The following INTU variants were observed in gnomAD, a reference collection of about 807,000 sequenced individuals.
INTU encodes inturned planar cell polarity protein, also known as protein inturned.
INTU carries 68 observed loss-of-function variants against 100.5 expected under a neutral mutation model. The ratio of observed to expected loss-of-function variants is 0.68; its 90% CI spans 0.56 to 0.83. The LOEUF (loss-of-function observed/expected upper bound fraction) is 0.83. Ranked by LOEUF, INTU falls within the 40% of genes least tolerant of loss-of-function variation. The pLI, the probability that INTU is intolerant of heterozygous loss-of-function variation, is 0.00. For missense variants in INTU, 1,071 were observed against 1,114.7 expected (o/e 0.96, Z 0.56); for synonymous variants, 357 against 395.7 (o/e 0.90, Z 1.16).
rs771896226 is a variant in INTU, at chr4:127,656,618, T to C, written c.683-18T>C. 9.5e-6 allele frequency: 15 copies of C among 1,573,024 alleles called. No individual in the cohort carries two copies. The highest frequency in any genetic ancestry group is 1.1e-5 in the Non-Finnish European group (13 of 1,143,648). ...TAGATATTCATAAAACTATCTTTTA[T>C]TGTTATTCTGGTTTCAGGTGATGTC... On this transcript the variant is annotated intron_variant, in intron 2 of 15. Transcript: ENST00000335251.
At chr4:127,635,594 T>C (rs191702248) in intron 1 of INTU, among the ~76,000 whole-genome samples, 3 of 152,240 alleles carry the variant, frequency 2.0e-5, no homozygotes, top group Admixed American at 1.3e-4. Context: ...AACTTCCACC[T>C]AAAACACAAG....
rs147808683 is a variant in INTU, at chr4:127,716,526, G to C, written c.*90G>C. The C allele has an allele frequency of 3.3e-4, 170 of 516,976 alleles. No homozygotes were observed. In the East Asian group the frequency reaches 4.9e-3, roughly 15 times the overall value. The allele number at this position is 516,976 out of a possible 1,614,324, so 32.0% of individuals were successfully genotyped here. A position where few individuals can be genotyped will look rare whatever the true frequency, so the allele number is the denominator to read the frequency against. On this transcript the variant is annotated 3_prime_UTR_variant, in exon 16 of 16. Transcript: ENST00000335251. ...TCAATACACAAAGAGATAAAGTTTA[G>C]CTTCTTTTTACTATTCAATATTGAA...
intron 2 of INTU, among the ~76,000 whole-genome samples, chr4:127,656,106 A>G (rs1416041625): frequency 6.6e-6 from 1 of 151,974 alleles, no homozygotes; most frequent in Non-Finnish European, 1.5e-5. Flanking sequence ...GCACCCACTG[A>G]CCTACGCCCA....
Position 127,705,717 on chromosome 4 carries a change from G to A in INTU, c.1693G>A (p.Val565Met). The A allele has an allele frequency of 6.2e-7, 1 of 1,614,030 alleles. No homozygotes were observed. The highest frequency in any genetic ancestry group is 2.2e-5 in the East Asian group (1 of 44,880). Residue 565 changes from valine (V) to methionine (M), a missense_variant, in exon 11 of 16, where the codon GTG (valine) becomes ATG (methionine). Coordinates refer to ENST00000335251, the MANE Select transcript of INTU (RefSeq NM_015693.4). ...TGGTCAGTTGATCATATGGAGAGAA[G>A]TGTTTCCTCAGCATCACCTCCGACC... The part of the protein sequence containing the change: ...RIGQLIIWRE[V>M]FPQHHLRPLA...
At chr4:127,668,446 A>C (rs1241613085) in intron 4 of INTU, among the ~76,000 whole-genome samples, 2 of 151,898 alleles carry the variant, frequency 1.3e-5, no homozygotes, top group African/African-American at 4.8e-5. Flanking sequence ...TAATTTGACA[A>C]ATAAGATTTT....
chr4:127,708,684 A>C lies in INTU; in HGVS notation c.2369+16A>C, dbSNP rs1254421939. On this transcript the variant is annotated intron_variant, in intron 13 of 15. Coordinates refer to ENST00000335251, the MANE Select transcript of INTU (RefSeq NM_015693.4). ...ACACAGTGAAGTAAGAAACTTTCTT[A>C]TTCTTGTTCACTTAAACTCAGGAAG... 5.3e-6 allele frequency: 7 copies of C among 1,327,062 alleles called. No individual in the cohort carries two copies. Among genetic ancestry groups the C allele is most frequent in the Non-Finnish European group, 7.4e-6 (7 of 941,928 alleles). The allele number at this position is 1,327,062 out of a possible 1,614,324, so 82.2% of individuals were successfully genotyped here.
chr4:127,713,039 G>A (rs1458615706), intron 14 of INTU, among the ~76,000 whole-genome samples: 1 of 152,160 alleles, frequency 6.6e-6, no homozygotes, highest in African/African-American at 2.4e-5. Context: ...AAGGTAGCAG[G>A]GCCAGCTTAT....
chr4:127,678,532 T>C (rs1460554883), intron 6 of INTU, among the ~76,000 whole-genome samples: 4 of 152,058 alleles, frequency 2.6e-5, no homozygotes, highest in Non-Finnish European at 5.9e-5. Flanking sequence ...AATAAAATAC[T>C]TCACAGACAA....
chr4:127,655,075 A>G (rs936646968), intron 2 of INTU, among the ~76,000 whole-genome samples: 3 of 152,158 alleles, frequency 2.0e-5, no homozygotes, highest in African/African-American at 7.2e-5. Flanking sequence ...TAGCTCCATC[A>G]ACTCCTTTAA....
At chr4:127,714,371 CCT>C (rs907667135) in intron 15 of INTU, among the ~76,000 whole-genome samples, 1 of 151,536 alleles carries the variant, frequency 6.6e-6, no homozygotes, top group East Asian at 1.9e-4. Flanking sequence ...CATTTTTCCC[CCT>C]CTCTCCTTTC....
At chr4:127,676,602 A>C (rs1016785081) in intron 6 of INTU, among the ~76,000 whole-genome samples, 7 of 83,916 alleles carry the variant, frequency 8.3e-5, no homozygotes, top group African/African-American at 4.2e-4. Context: ...AAAAAAAAAG[A>C]GAGAGAGAGG....
chr4:127,658,668 G>A (rs1297559997), intron 3 of INTU, among the ~76,000 whole-genome samples: 1 of 152,076 alleles, frequency 6.6e-6, no homozygotes, highest in Non-Finnish European at 1.5e-5. Context: ...GAAAAGTTAT[G>A]TTTACAGCAG....
chr4:127,677,206 G>T (rs557523102), intron 6 of INTU, among the ~76,000 whole-genome samples: 1 of 152,322 alleles, frequency 6.6e-6, no homozygotes, highest in East Asian at 1.9e-4. Context: ...AGTAACCTCT[G>T]CAGACTTAAA....
At chr4:127,638,348 A>G (rs1033983320) in intron 1 of INTU, among the ~76,000 whole-genome samples, 1 of 152,190 alleles carries the variant, frequency 6.6e-6, no homozygotes, top group Non-Finnish European at 1.5e-5. Context: ...AAAGTATACT[A>G]TAACAGATTT....
chr4:127,655,988 A>C (rs1728193407), intron 2 of INTU, among the ~76,000 whole-genome samples: 1 of 152,216 alleles, frequency 6.6e-6, no homozygotes, highest in Non-Finnish European at 1.5e-5. Flanking sequence ...CCGATTTTCC[A>C]GGTGCGTCCG....
chr4:127,643,294 C>G (rs1215268084), intron 1 of INTU, among the ~76,000 whole-genome samples: 1 of 151,882 alleles, frequency 6.6e-6, no homozygotes, highest in East Asian at 1.9e-4. Context: ...TTGATTCCTT[C>G]TCCCCCAACT....
chr4:127,691,962 G>GTGTGTGTA, intron 8 of INTU, among the ~76,000 whole-genome samples: 4 of 98,260 alleles, frequency 4.1e-5, no homozygotes, highest in African/African-American at 1.6e-4. Context: ...TCCATGGTAT[G>GTGTGTGTA]TATATATATA....
At chr4:127,706,443 T>C (rs766399275) in intron 11 of INTU, 44 bp from the exon 12 acceptor site, 1 of 1,502,208 alleles carries the variant, frequency 6.7e-7, no homozygotes, top group Non-Finnish European at 9.0e-7. Flanking sequence ...ATGTAAATAT[T>C]TTCATGGTAG....
In INTU at chr4:127,633,058, T is replaced by C; in HGVS notation, c.24T>C (p.Asp8=). The C allele has an allele frequency of 6.2e-7, 1 of 1,613,718 alleles. No homozygotes were observed. Among genetic ancestry groups the C allele is most frequent in the Admixed American group, 1.7e-5 (1 of 60,014 alleles). The change falls in exon 1 of 16, where the codon GAT becomes GAC. Residue 8 remains aspartate (D), a synonymous_variant. Transcript: ENST00000335251. The part of the protein sequence containing the change: MASVASC[D]SRPSSDELPG... Reference sequence around the variant, plus strand: ...CGATGGCCTCTGTGGCTTCGTGCGATTCGCGTCCGAGCTCAGACGAGCTCC... The same window carrying C: ...CGATGGCCTCTGTGGCTTCGTGCGACTCGCGTCCGAGCTCAGACGAGCTCC...
Sources: allele counts gnomAD v4.1 joint callset (sites outside exome capture counted in the v4.1 genomes callset), GRCh38; gene constraint gnomAD v4.1.1; transcripts MANE v1.5; gene names NCBI Gene and HGNC (gene_info 2026-07-23, HGNC 2026-07-21).